Variants in OSBPL9 observed in about 807,000 individuals in gnomAD.
OSBPL9 encodes the protein oxysterol-binding protein-related protein 9.
Under a neutral mutation model 106.6 loss-of-function variants are expected in OSBPL9, and 40 were observed. The ratio of observed to expected loss-of-function variants is 0.38; its 90% CI spans 0.29 to 0.49. OSBPL9 has a LOEUF of 0.49. Ranked by LOEUF, OSBPL9 falls within the 20% of genes least tolerant of loss-of-function variation. The pLI, the probability that OSBPL9 is intolerant of heterozygous loss-of-function variation, is 0.97. For missense variants in OSBPL9, 609 were observed against 887.2 expected, an observed-to-expected ratio of 0.69 and a Z score of 3.98; for synonymous variants, 269 against 295.4, an observed-to-expected ratio of 0.91 and a Z score of 0.92.
chr1:51,590,320 G>GT (rs1272641668), intron 1 of OSBPL9, among the ~76,000 whole-genome samples: 1 of 150,392 alleles, frequency 6.6e-6, no homozygotes, highest in African/African-American at 2.5e-5. Context: ...AATACAGGAG[G>GT]TAAAAAAAAA....
chr1:51,700,998 G>A (rs1657107753), intron 3 of OSBPL9, among the ~76,000 whole-genome samples: 1 of 151,696 alleles, frequency 6.6e-6, no homozygotes, highest in Admixed American at 6.6e-5. Context: ...GGAGTGCAAT[G>A]GCACAATCTC....
At chr1:51,576,251 C>A (rs1371020030), upstream of OSBPL9, among the ~76,000 whole-genome samples, 9 of 152,192 alleles carry the variant, frequency 5.9e-5, no homozygotes, top group Non-Finnish European at 1.5e-5. Flanking sequence ...TTAGACAGGT[C>A]TTGGTGACCA....
the OSBPL9 span, among the ~76,000 whole-genome samples, chr1:51,525,092 A>G: frequency 6.6e-6 from 1 of 152,216 alleles, no homozygotes; most frequent in African/African-American, 2.4e-5. Flanking sequence ...AGAAGACTTC[A>G]AGTGATGAGG....
chr1:51,589,658 A>T (rs899538743), intron 1 of OSBPL9, among the ~76,000 whole-genome samples: 2 of 151,996 alleles, frequency 1.3e-5, no homozygotes, highest in African/African-American at 2.4e-5. Flanking sequence ...GCAAGTGCAA[A>T]GGCCCTGAGA....
chr1:51,744,974 A>G (rs1472649112), intron 4 of OSBPL9: 1 of 153,784 alleles, frequency 6.5e-6, no homozygotes, highest in African/African-American at 2.4e-5. Context: ...TGATTAGGAC[A>G]GGTGTTGTTA....
At chr1:51,702,371 T>C (rs1225345614) in intron 3 of OSBPL9, among the ~76,000 whole-genome samples, 1 of 152,208 alleles carries the variant, frequency 6.6e-6, no homozygotes, top group Non-Finnish European at 1.5e-5. Context: ...CTCATTGTGG[T>C]TTTGATTTGC....
chr1:51,669,400 T>C, intron 2 of OSBPL9, 34 bp from the exon 3 acceptor site: 1 of 1,586,786 alleles, frequency 6.3e-7, no homozygotes. Context: ...ATGTCATTGT[T>C]TGCCTTATTG....
At chr1:51,591,419 T>C (rs1043359050) in intron 1 of OSBPL9, among the ~76,000 whole-genome samples, 1 of 152,194 alleles carries the variant, frequency 6.6e-6, no homozygotes, top group Non-Finnish European at 1.5e-5. Context: ...TTAAGCCATT[T>C]ACTAAGATAG....
Position 51,746,707 on chromosome 1 carries a change from T to C in OSBPL9, c.415-3T>C, listed in dbSNP as rs1571498497. Reference sequence around the variant, plus strand: ...ACTATAACCATTTTTTAAAATCTTGTAGCTTTTTGATGACAAGCTTCAAAA... The same window carrying C: ...ACTATAACCATTTTTTAAAATCTTGCAGCTTTTTGATGACAAGCTTCAAAA... On this transcript the variant is annotated splice_region_variant and splice_polypyrimidine_tract_variant and intron_variant, in intron 5 of 23. Transcript: ENST00000428468. 3 of 1,605,350 alleles carry C rather than the reference T, an allele frequency of 1.9e-6. No homozygotes were observed. Among genetic ancestry groups the C allele is most frequent in the Admixed American group, 1.7e-5 (1 of 59,012 alleles).
chr1:51,767,847 C>A (rs1672902248), intron 12 of OSBPL9, among the ~76,000 whole-genome samples: 1 of 148,026 alleles, frequency 6.8e-6, no homozygotes, highest in South Asian at 2.1e-4. Flanking sequence ...AGAAAATAAG[C>A]ATTTGGAAGA....
At chr1:51,698,282 TG>T (rs1656496958) in intron 3 of OSBPL9, among the ~76,000 whole-genome samples, 1 of 152,012 alleles carries the variant, frequency 6.6e-6, no homozygotes, top group Non-Finnish European at 1.5e-5. Context: ...GACATTGGGG[TG>T]GCTTAGAGTA....
chr1:51,772,924 C>T (rs1237546977), intron 14 of OSBPL9, among the ~76,000 whole-genome samples: 3 of 152,062 alleles, frequency 2.0e-5, no homozygotes, highest in African/African-American at 7.2e-5. Context: ...TCATAGAGAA[C>T]AGTGTGTATG....
intron 3 of OSBPL9, among the ~76,000 whole-genome samples, chr1:51,673,707 A>T (rs997358351): frequency 4.6e-5 from 7 of 152,272 alleles, no homozygotes; most frequent in African/African-American, 7.2e-5. Context: ...TTGAGATTTT[A>T]AAAAATCTAT....
At chr1:51,718,770 G>C (rs899329484) in intron 4 of OSBPL9, among the ~76,000 whole-genome samples, 1 of 152,086 alleles carries the variant, frequency 6.6e-6, no homozygotes, top group African/African-American at 2.4e-5. Context: ...AATCAGTATC[G>C]AATTATAGCC....
chr1:51,712,359 C>G (rs1245070319), intron 3 of OSBPL9, among the ~76,000 whole-genome samples: 1 of 152,176 alleles, frequency 6.6e-6, no homozygotes, highest in Non-Finnish European at 1.5e-5. Context: ...GCAGTACAGT[C>G]CAGCTTCGGC....
At chr1:51,692,250 C>T (rs942040790) in intron 3 of OSBPL9, among the ~76,000 whole-genome samples, 2 of 152,152 alleles carry the variant, frequency 1.3e-5, no homozygotes, top group Admixed American at 1.3e-4. Flanking sequence ...GTCAGGGCTG[C>T]TGCAGTGAGC....
At chr1:51,680,957 A>G (rs575839338) in intron 3 of OSBPL9, among the ~76,000 whole-genome samples, 1 of 152,206 alleles carries the variant, frequency 6.6e-6, no homozygotes, top group Non-Finnish European at 1.5e-5. Flanking sequence ...AGGCATGCCA[A>G]CTCAATGTCA....
intron 1 of OSBPL9, among the ~76,000 whole-genome samples, chr1:51,582,485 G>C (rs2148599230): frequency 1.3e-5 from 2 of 152,138 alleles, no homozygotes; most frequent in South Asian, 4.2e-4. Context: ...GCACCACCAT[G>C]CATGGCTAAT....
At chr1:51,752,949 C>G (rs184717363) in intron 8 of OSBPL9, among the ~76,000 whole-genome samples, 16 of 152,228 alleles carry the variant, frequency 1.1e-4, no homozygotes, top group Admixed American at 9.8e-4. Context: ...GTCCATAACC[C>G]CATTGTATCC....
Sources: allele counts gnomAD v4.1 joint callset (sites outside exome capture counted in the v4.1 genomes callset), GRCh38; gene constraint gnomAD v4.1.1; transcripts MANE v1.5; gene names NCBI Gene and HGNC (gene_info 2026-07-23, HGNC 2026-07-21).